The following TDRP variants were observed in gnomAD, a reference collection of about 807,000 sequenced individuals.
TDRP encodes testis development-related protein.
TDRP carries 12 observed loss-of-function variants against 10.5 expected under a neutral mutation model. The ratio of observed to expected loss-of-function variants is 1.15; its 90% CI spans 0.73 to 1.86. TDRP has a LOEUF of 1.86. Ranked by LOEUF, TDRP falls within the 40% of genes most tolerant of loss-of-function variation. TDRP has a pLI of 0.00. For missense variants in TDRP, 353 were observed against 229.2 expected (o/e 1.54, Z -3.49); for synonymous variants, 139 against 95.4 (o/e 1.46, Z -2.67).
At chr8:495,621 T>A (rs947757159) in intron 1 of TDRP, among the ~76,000 whole-genome samples, 1 of 152,200 alleles carries the variant, frequency 6.6e-6, no homozygotes, top group African/African-American at 2.4e-5. Flanking sequence ...CATCATCACA[T>A]TGCTAGGGCT....
At chr8:507,157 T>A (rs770048931) in intron 1 of TDRP, among the ~76,000 whole-genome samples, 27 of 152,088 alleles carry the variant, frequency 1.8e-4, no homozygotes, top group Non-Finnish European at 3.1e-4. Flanking sequence ...TCAGATCTCA[T>A]GAGACTCACT....
At chr8:519,918 C>G (rs1455416231) in intron 1 of TDRP, among the ~76,000 whole-genome samples, 6 of 152,078 alleles carry the variant, frequency 3.9e-5, no homozygotes, top group African/African-American at 1.4e-4. Flanking sequence ...CCTGAAGCTT[C>G]TAAGGAAATA....
chr8:504,404 C>A (rs1325066222), intron 1 of TDRP, among the ~76,000 whole-genome samples: 2 of 152,046 alleles, frequency 1.3e-5, no homozygotes, highest in Non-Finnish European at 2.9e-5. Flanking sequence ...CTTCAAGAGT[C>A]CTGAAGTCAG....
At position 544,661 on chromosome 8, in the gene TDRP, C is replaced by A; in HGVS notation, c.97G>T (p.Ala33Ser). ...GCGCACCCCCTCACCTGCGCCTGGG[C>A]GGCGGCGGCGGCGGCCGGTGGCGGC... ...GGPPPAAAAA[A>S]QAQVQGASFR... is the part of the protein sequence containing the mutation. Residue 33 changes from alanine (A) to serine (S), a missense_variant, in exon 1 of 3, where the codon GCC becomes TCC. By Grantham distance (99) the Ala-to-Ser change is moderately conservative (BLOSUM62 1). Transcript: ENST00000324079. 9.2e-6 allele frequency: 4 copies of A among 432,968 alleles called. No homozygotes were observed. Among genetic ancestry groups the A allele is most frequent in the Non-Finnish European group, 1.3e-5 (4 of 305,920 alleles). 26.8% of individuals were successfully genotyped at this position (432,968 alleles called of 1,614,324 possible).
chr8:538,096 T>C (rs1369700810), intron 1 of TDRP, among the ~76,000 whole-genome samples: 1 of 152,168 alleles, frequency 6.6e-6, no homozygotes, highest in Non-Finnish European at 1.5e-5. Context: ...GAGACTCCAA[T>C]CAAGGCTATC....
rs1209452674 is a variant in TDRP, at chr8:490,081, G to A, written c.*2318C>T. 1 of 152,142 alleles carries A rather than the reference G, an allele frequency of 6.6e-6. No homozygotes were observed. Among genetic ancestry groups the A allele is most frequent in the Non-Finnish European group, 1.5e-5 (1 of 68,022 alleles). 9.4% of individuals were successfully genotyped at this position (152,142 alleles called of 1,614,324 possible). A position where few individuals can be genotyped will look rare whatever the true frequency, so the allele number is the denominator to read the frequency against. On this transcript the variant is annotated 3_prime_UTR_variant, in exon 3 of 3. Coordinates refer to ENST00000324079, the MANE Select transcript of TDRP (RefSeq NM_001384899.1). Reference sequence around the variant, plus strand: ...GCACAGGACAACTCTCTTCACACAAGGAAGCTGTGTGTTTACACAATTCAA... The same window carrying A: ...GCACAGGACAACTCTCTTCACACAAAGAAGCTGTGTGTTTACACAATTCAA...
intron 1 of TDRP, among the ~76,000 whole-genome samples, chr8:521,685 TTTG>T (rs1022139684): frequency 2.6e-5 from 4 of 152,190 alleles, no homozygotes; most frequent in Admixed American, 6.5e-5. Context: ...AGTTTTTGTT[TTTG>T]TTTTTTTCTT....
intron 1 of TDRP, among the ~76,000 whole-genome samples, chr8:532,316 C>T (rs553549758): frequency 6.6e-6 from 1 of 152,224 alleles, no homozygotes; most frequent in Non-Finnish European, 1.5e-5. Flanking sequence ...CATGCACCCA[C>T]TGAAACCTGC....
At chr8:497,355 G>A (rs2116723359) in intron 1 of TDRP, among the ~76,000 whole-genome samples, 1 of 152,340 alleles carries the variant, frequency 6.6e-6, no homozygotes, top group African/African-American at 2.4e-5. Flanking sequence ...CCTTAGCAAA[G>A]AGACTGGTGG....
In TDRP at chr8:490,674, G is replaced by T. The variant is rs1162186901; in HGVS notation, c.*1725C>A. ...AAGCACTTCTCTAGGGAAAAGGACA[G>T]TTATGACTATTTACCTGAGGAAACT... On this transcript the variant is annotated 3_prime_UTR_variant, in exon 3 of 3. Coordinates refer to ENST00000324079, the MANE Select transcript of TDRP (RefSeq NM_001384899.1). 6.6e-6 allele frequency: 1 copy of T among 152,218 alleles called. No homozygotes were observed. Among genetic ancestry groups the T allele is most frequent in the Non-Finnish European group, 1.5e-5 (1 of 68,040 alleles). The allele number at this position is 152,218 out of a possible 1,614,324, so 9.4% of individuals were successfully genotyped here.
intron 1 of TDRP, among the ~76,000 whole-genome samples, chr8:518,959 T>C (rs1159201795): frequency 2.0e-5 from 3 of 152,204 alleles, no homozygotes; most frequent in African/African-American, 7.2e-5. Flanking sequence ...ATGAGATGAC[T>C]GACAGGAGGC....
chr8:491,796 A>C lies in TDRP; in HGVS notation c.*603T>G. ...CTATCCAGTGGACATACAAGAAGCTATTCCTCCCTCAGCAAAAGATGAACA... is the reference window on the plus strand; with the variant it reads ...CTATCCAGTGGACATACAAGAAGCTCTTCCTCCCTCAGCAAAAGATGAACA... On this transcript the variant is annotated 3_prime_UTR_variant, in exon 3 of 3. Transcript: ENST00000324079. 1 of 1,264,556 alleles carries C rather than the reference A, an allele frequency of 7.9e-7. No homozygotes were observed. Among genetic ancestry groups the C allele is most frequent in the African/African-American group, 1.5e-5 (1 of 65,296 alleles). The allele number at this position is 1,264,556 out of a possible 1,614,324, so 78.3% of individuals were successfully genotyped here.
At chr8:520,449 T>G (rs989859872) in intron 1 of TDRP, among the ~76,000 whole-genome samples, 11 of 152,224 alleles carry the variant, frequency 7.2e-5, no homozygotes, top group African/African-American at 2.7e-4. Flanking sequence ...TTCCTTTCTT[T>G]GGGATATATA....
At chr8:504,661 T>G (rs1273257291) in intron 1 of TDRP, among the ~76,000 whole-genome samples, 1 of 152,244 alleles carries the variant, frequency 6.6e-6, no homozygotes, top group East Asian at 1.9e-4. Flanking sequence ...TTTGGTGAAC[T>G]GGCAATTCTT....
chr8:518,211 G>C (rs1801807429), intron 1 of TDRP, among the ~76,000 whole-genome samples: 1 of 152,184 alleles, frequency 6.6e-6, no homozygotes, highest in Non-Finnish European at 1.5e-5. Flanking sequence ...AGGGAAGGTA[G>C]GGAAGGTAGG....
chr8:515,189 A>C lies in TDRP; in HGVS notation c.109-20592T>G, dbSNP rs549671134. Among the ~76,000 whole-genome samples, 14 of 152,228 alleles carry C rather than the reference A, an allele frequency of 9.2e-5. No homozygotes were observed. The East Asian group carries it at 2.5e-3, about 27-fold the overall frequency. On this transcript the variant is annotated intron_variant, in intron 1 of 2. Transcript: ENST00000324079. ...CAGCCAGAGATCCAAGTACAAGCACACTGATAGGTTCTCTTCCCCTCATTC... is the reference window on the plus strand; with the variant it reads ...CAGCCAGAGATCCAAGTACAAGCACCCTGATAGGTTCTCTTCCCCTCATTC...
At chr8:544,303 G>C (rs906804773) in intron 1 of TDRP, among the ~76,000 whole-genome samples, 2 of 151,940 alleles carry the variant, frequency 1.3e-5, no homozygotes, top group Non-Finnish European at 2.9e-5. Context: ...CGGGGTGCGC[G>C]CACTGCGTCC....
At chr8:537,569 C>A (rs1245118904) in intron 1 of TDRP, among the ~76,000 whole-genome samples, 1 of 152,202 alleles carries the variant, frequency 6.6e-6, no homozygotes, top group African/African-American at 2.4e-5. Flanking sequence ...AGGGGCAGGA[C>A]AGCCTGGTTT....
intron 1 of TDRP, among the ~76,000 whole-genome samples, chr8:515,418 T>G (rs928429941): frequency 1.2e-4 from 19 of 152,312 alleles, no homozygotes; most frequent in African/African-American, 4.3e-4. Context: ...CCAGAAGTAT[T>G]TCAGATTTCA....
Sources: gnomAD v4.1 joint callset for allele counts (sites outside exome capture counted in the v4.1 genomes callset) on GRCh38, gnomAD v4.1.1 for gene constraint, MANE v1.5 for transcripts, NCBI Gene and HGNC (gene_info 2026-07-23, HGNC 2026-07-21) for gene names.